SLC4A4: variants seen among roughly 807,000 people sequenced by gnomAD.
SLC4A4 encodes electrogenic sodium bicarbonate cotransporter 1.
Under a neutral mutation model 111.5 loss-of-function variants are expected in SLC4A4, and 27 were observed. That is an observed-to-expected ratio of 0.24 (90% CI 0.18 to 0.33). The LOEUF (loss-of-function observed/expected upper bound fraction) is 0.33, where lower values mean the gene tolerates loss of function less well. Among genes scored for constraint, SLC4A4 ranks in the 10% least tolerant of loss-of-function variants. The pLI, the probability that SLC4A4 is intolerant of heterozygous loss-of-function variation, is 1.00. For synonymous variants in SLC4A4, 443 were observed against 463.4 expected, an observed-to-expected ratio of 0.96 and a Z score of 0.57; for missense variants, 909 against 1,315.5, an observed-to-expected ratio of 0.69 and a Z score of 4.78.
At chr4:71,225,827 C>G (rs1259386894) in intron 1 of SLC4A4, among the ~76,000 whole-genome samples, 2 of 152,186 alleles carry the variant, frequency 1.3e-5, no homozygotes, top group African/African-American at 4.8e-5. Context: ...GTGAAATCCA[C>G]AGTAAATGTG....
At chr4:71,389,626 A>G (rs1719080236) in intron 6 of SLC4A4, among the ~76,000 whole-genome samples, 3 of 152,024 alleles carry the variant, frequency 2.0e-5, no homozygotes, top group Admixed American at 6.6e-5. Flanking sequence ...CTTCTTACTT[A>G]TTTACTCTAA....
intron 6 of SLC4A4, among the ~76,000 whole-genome samples, chr4:71,375,059 C>T (rs1189030132): frequency 6.6e-6 from 1 of 152,206 alleles, no homozygotes; most frequent in Non-Finnish European, 1.5e-5. Flanking sequence ...GCCTCAGTCT[C>T]CTTTCCAGTC....
At chr4:71,551,306 C>T (rs1235665306) in intron 20 of SLC4A4, among the ~76,000 whole-genome samples, 1 of 151,840 alleles carries the variant, frequency 6.6e-6, no homozygotes, top group Non-Finnish European at 1.5e-5. Context: ...ATCAGGATAG[C>T]ATTTAATTTG....
At chr4:71,332,018 G>A (rs1284198020) in intron 3 of SLC4A4, among the ~76,000 whole-genome samples, 1 of 152,132 alleles carries the variant, frequency 6.6e-6, no homozygotes. Flanking sequence ...GGTATCAGTT[G>A]TAATGTCTGC....
intron 1 of SLC4A4, among the ~76,000 whole-genome samples, chr4:71,205,040 G>C (rs1717669414): frequency 6.6e-6 from 1 of 152,186 alleles, no homozygotes; most frequent in Non-Finnish European, 1.5e-5. Flanking sequence ...AAGGAGGTGG[G>C]TTAGAATTTA....
chr4:71,314,892 CCTGATGTT>C (rs921872345), intron 3 of SLC4A4, among the ~76,000 whole-genome samples: 6 of 151,940 alleles, frequency 3.9e-5, no homozygotes, highest in Admixed American at 1.3e-4. Context: ...ATGTAACAAA[CCTGATGTT>C]CAGCACATGT....
At chr4:71,468,729 C>T (rs1410544356) in intron 13 of SLC4A4, among the ~76,000 whole-genome samples, 1 of 34,558 alleles carries the variant, frequency 2.9e-5, no homozygotes, top group African/African-American at 6.2e-5. Flanking sequence ...TCATTCCATG[C>T]TCCATGAAAA....
At chr4:71,558,210 A>G (rs1164878666) in intron 22 of SLC4A4, among the ~76,000 whole-genome samples, 1 of 152,000 alleles carries the variant, frequency 6.6e-6, no homozygotes, top group Non-Finnish European at 1.5e-5. Context: ...CATGTAGCAC[A>G]ATGCCTGACA....
intron 2 of SLC4A4, among the ~76,000 whole-genome samples, chr4:71,114,178 A>G (rs1011018928): frequency 2.0e-5 from 3 of 152,154 alleles, no homozygotes; most frequent in African/African-American, 7.2e-5. Context: ...CCGGGGAGGC[A>G]GAGCTTGCAG....
At chr4:71,167,964 G>T (rs1019275684) in intron 2 of SLC4A4, among the ~76,000 whole-genome samples, 4 of 151,806 alleles carry the variant, frequency 2.6e-5, no homozygotes, top group South Asian at 2.1e-4. Context: ...AATACCTAAG[G>T]CTGGGTAATG....
chr4:71,373,685 T>G (rs1732088228), intron 6 of SLC4A4, among the ~76,000 whole-genome samples: 1 of 152,132 alleles, frequency 6.6e-6, no homozygotes, highest in Non-Finnish European at 1.5e-5. Flanking sequence ...GAACTTTATG[T>G]TAGGGAAATT....
At chr4:71,134,330 C>G (rs1365611807) in intron 2 of SLC4A4, among the ~76,000 whole-genome samples, 1 of 152,220 alleles carries the variant, frequency 6.6e-6, no homozygotes, top group Non-Finnish European at 1.5e-5. Context: ...GTATCAGAAA[C>G]TCTCCTACTG....
chr4:71,260,340 T>C (rs1051583141), intron 3 of SLC4A4, among the ~76,000 whole-genome samples: 1 of 152,210 alleles, frequency 6.6e-6, no homozygotes, highest in African/African-American at 2.4e-5. Context: ...TCTTGATTTT[T>C]AAAATGTTTT....
intron 1 of SLC4A4, among the ~76,000 whole-genome samples, chr4:71,228,008 A>G (rs1719162799): frequency 6.6e-6 from 1 of 152,184 alleles, no homozygotes; most frequent in Non-Finnish European, 1.5e-5. Context: ...ATGGTCCATT[A>G]AAAATATTAA....
At chr4:71,311,774 A>C (rs1726187062) in intron 3 of SLC4A4, among the ~76,000 whole-genome samples, 1 of 152,148 alleles carries the variant, frequency 6.6e-6, no homozygotes, top group African/African-American at 2.4e-5. Flanking sequence ...AATTAAAAGA[A>C]CTAGAGAAGC....
At chr4:71,175,131 A>T (rs1745049596) in intron 2 of SLC4A4, among the ~76,000 whole-genome samples, 2 of 152,264 alleles carry the variant, frequency 1.3e-5, no homozygotes, top group African/African-American at 4.8e-5. Flanking sequence ...GATAAATGGA[A>T]TAATTTATAT....
intron 2 of SLC4A4, among the ~76,000 whole-genome samples, chr4:71,249,868 A>C (rs980188750): frequency 2.8e-5 from 4 of 144,860 alleles, no homozygotes; most frequent in Middle Eastern, 3.5e-3. Context: ...TGGGCAACAG[A>C]GCGAGACTCT....
At chr4:71,146,086 G>T (rs1252228354) in intron 2 of SLC4A4, among the ~76,000 whole-genome samples, 2 of 152,110 alleles carry the variant, frequency 1.3e-5, no homozygotes, top group Non-Finnish European at 2.9e-5. Context: ...TGGGCATTTA[G>T]TGCTATAAAT....
intron 7 of SLC4A4, among the ~76,000 whole-genome samples, chr4:71,424,266 A>C (rs1376508052): frequency 6.6e-6 from 1 of 152,126 alleles, no homozygotes; most frequent in Non-Finnish European, 1.5e-5. Flanking sequence ...GCCATCAGAG[A>C]AATGCAAATC....
Sources: gnomAD v4.1 joint callset for allele counts (sites outside exome capture counted in the v4.1 genomes callset) on GRCh38, gnomAD v4.1.1 for gene constraint, MANE v1.5 for transcripts, NCBI Gene and HGNC (gene_info 2026-07-23, HGNC 2026-07-21) for gene names.